Variants in IL17RD observed in about 807,000 individuals in gnomAD.
IL17RD encodes the protein interleukin 17 receptor D.
Under a neutral mutation model 80.5 loss-of-function variants are expected in IL17RD, and 52 were observed. That is an observed-to-expected ratio of 0.65 (90% CI 0.52 to 0.81). IL17RD has a LOEUF of 0.81. IL17RD is among the 40% of genes least tolerant of loss of function. The pLI, the probability that IL17RD is intolerant of heterozygous loss-of-function variation, is 0.00. For missense variants in IL17RD, 1,024 were observed against 955.1 expected (o/e 1.07, Z -0.95); for synonymous variants, 416 against 391.8 (o/e 1.06, Z -0.73).
intron 1 of IL17RD, among the ~76,000 whole-genome samples, chr3:57,163,208 C>T (rs1024846099): frequency 6.6e-6 from 1 of 152,154 alleles, no homozygotes; most frequent in African/African-American, 2.4e-5. Flanking sequence ...GAGGCCTCTA[C>T]GATCGTCCAG....
intron 1 of IL17RD, among the ~76,000 whole-genome samples, chr3:57,138,859 A>C (rs1707777593): frequency 6.6e-6 from 1 of 151,494 alleles, no homozygotes; most frequent in Non-Finnish European, 1.5e-5. Flanking sequence ...GAATAGCTTC[A>C]ACCCGGGAGG....
rs1706737009 is a variant in IL17RD at position 57,098,183 on chromosome 3, A to G, written c.1520T>C (p.Leu507Pro). The change falls in exon 12 of 13, where the codon CTC (leucine) becomes CCC (proline). Residue 507 changes from leucine (L) to proline (P), a missense_variant. Transcript: ENST00000296318. ...KYRLMDNLPQ[L>P]CSHLHSRDHG... Reference sequence around the variant, plus strand: ...GTCTCGGGAGTGCAAGTGGGAACAGAGCTGAGGAAGATTGTCCATGAGTCT... The same window carrying G: ...GTCTCGGGAGTGCAAGTGGGAACAGGGCTGAGGAAGATTGTCCATGAGTCT... The G allele has an allele frequency of 1.2e-6, 2 of 1,613,790 alleles. No individual in the cohort carries two copies. Among genetic ancestry groups the G allele is most frequent in the East Asian group, 2.2e-5 (1 of 44,896 alleles).
intron 2 of IL17RD, among the ~76,000 whole-genome samples, chr3:57,118,633 C>T (rs1459990125): frequency 6.6e-6 from 1 of 152,120 alleles, no homozygotes; most frequent in Non-Finnish European, 1.5e-5. Flanking sequence ...AAAGCACCCC[C>T]CACATGCCCT....
At chr3:57,115,068 T>C (rs978012351) in intron 2 of IL17RD, among the ~76,000 whole-genome samples, 2 of 152,206 alleles carry the variant, frequency 1.3e-5, no homozygotes, top group African/African-American at 4.8e-5. Flanking sequence ...CAGGGCAATG[T>C]TGGGAGGATC....
Position 57,091,510 on chromosome 3 carries a change from ATTGT to A in IL17RD, c.*4879_*4882del, listed in dbSNP as rs1706554711. ...GCACCAATGTGAGTAAGGCACCAACATTGTTTGGGCAACTAAACTAAGTGTGAAG... is the reference window on the plus strand; with the variant it reads ...GCACCAATGTGAGTAAGGCACCAACATTGGGCAACTAAACTAAGTGTGAAG... On this transcript the variant is annotated 3_prime_UTR_variant, in exon 13 of 13. Coordinates refer to ENST00000296318, the MANE Select transcript of IL17RD (RefSeq NM_017563.5). The A allele has an allele frequency of 2.0e-5, 3 of 152,654 alleles. No homozygotes were observed. Among genetic ancestry groups the A allele is most frequent in the South Asian group, 2.1e-4 (1 of 4,836 alleles). The allele number at this position is 152,654 out of a possible 1,614,324, so 9.5% of individuals were successfully genotyped here. A position where few individuals can be genotyped will look rare whatever the true frequency, so the allele number is the denominator to read the frequency against.
intron 1 of IL17RD, among the ~76,000 whole-genome samples, chr3:57,156,804 A>T (rs1160730043): frequency 6.6e-6 from 1 of 151,020 alleles, no homozygotes; most frequent in African/African-American, 2.5e-5. Context: ...CCCCTTCTCC[A>T]GCTTTGCCCA....
upstream of IL17RD, chr3:57,165,395 G>T (rs559759862): frequency 2.1e-6 from 2 of 955,526 alleles, no homozygotes; most frequent in South Asian, 5.1e-5. Flanking sequence ...GAAGGGGACC[G>T]CACTGGGCAT....
chr3:57,100,975 C>A (rs1706813559), intron 11 of IL17RD, among the ~76,000 whole-genome samples: 1 of 152,162 alleles, frequency 6.6e-6, no homozygotes, highest in South Asian at 2.1e-4. Context: ...AGAGTTAGAA[C>A]TAAGTATTAT....
intron 1 of IL17RD, among the ~76,000 whole-genome samples, chr3:57,132,087 G>C (rs1332787764): frequency 6.6e-6 from 1 of 152,138 alleles, no homozygotes; most frequent in African/African-American, 2.4e-5. Context: ...TTGGGAGGCT[G>C]AGGCAGGGGG....
At position 57,127,287 on chromosome 3, in the gene IL17RD, TATATATAAATATATATAAAA is replaced by T. The variant is rs1559476933; in HGVS notation, c.127-6994_127-6975del. ...AAATATATATAAAAATATATATAAA[TATATATAAATATATATAAAA>T]ATATATAAAAATATATATAAATATA... is the stretch of plus-strand genomic sequence containing the variant. On this transcript the variant is annotated intron_variant, in intron 1 of 12. Transcript: ENST00000296318. 7.3e-4 allele frequency among the ~76,000 whole-genome samples: 58 copies of T among 79,090 alleles called. 2 individuals carry two copies. Among genetic ancestry groups the T allele is most frequent in the South Asian group, 1.1e-3 (3 of 2,690 alleles). The allele number at this position is 79,090 out of a possible 152,430, so 51.9% of individuals were successfully genotyped here.
intron 1 of IL17RD, among the ~76,000 whole-genome samples, chr3:57,158,620 G>T (rs955141623): frequency 2.6e-5 from 4 of 151,842 alleles, no homozygotes; most frequent in African/African-American, 9.7e-5. Context: ...TCCAAACAAG[G>T]AACCAAAGAA....
chr3:57,151,470 A>G (rs1053351338), intron 1 of IL17RD, among the ~76,000 whole-genome samples: 15 of 152,210 alleles, frequency 9.9e-5, no homozygotes, highest in Non-Finnish European at 2.1e-4. Context: ...TAATTTAATC[A>G]TATGTCTTGG....
chr3:57,105,550 A>ACATATATATATATATAT (rs1210429108), intron 7 of IL17RD, among the ~76,000 whole-genome samples: 5 of 80,396 alleles, frequency 6.2e-5, no homozygotes, highest in African/African-American at 3.8e-4. Context: ...AAAAAAAAAA[A>ACATATATATATATATAT]AAATATATAT....
chr3:57,108,849 T>G (rs1707026492), intron 5 of IL17RD, among the ~76,000 whole-genome samples: 1 of 151,788 alleles, frequency 6.6e-6, no homozygotes. Flanking sequence ...GGGGTCTTGC[T>G]ATGTTGCCCA....
intron 5 of IL17RD, among the ~76,000 whole-genome samples, chr3:57,107,439 C>T (rs1706990833): frequency 6.6e-6 from 1 of 151,928 alleles, no homozygotes; most frequent in Admixed American, 6.6e-5. Context: ...AGAAAACAAC[C>T]ACAATAAGAA....
chr3:57,158,317 G>A (rs1032346267), intron 1 of IL17RD, among the ~76,000 whole-genome samples: 8 of 152,126 alleles, frequency 5.3e-5, no homozygotes, highest in Non-Finnish European at 1.2e-4. Context: ...GCCATCTACT[G>A]CCCTTTCAAG....
intron 1 of IL17RD, among the ~76,000 whole-genome samples, chr3:57,137,062 G>T (rs140123196): frequency 6.6e-6 from 1 of 152,310 alleles, no homozygotes; most frequent in East Asian, 1.9e-4. Context: ...GGGGAAGGAA[G>T]TTTATTTCAA....
chr3:57,098,638 C>T, intron 11 of IL17RD, 100 bp from the exon 12 acceptor site: 2 of 777,552 alleles, frequency 2.6e-6, no homozygotes, highest in East Asian at 4.9e-5. Context: ...GCCATCTCAT[C>T]TGCCCCTTAA....
upstream of IL17RD, among the ~76,000 whole-genome samples, chr3:57,168,093 A>G (rs537694177): frequency 4.6e-5 from 7 of 152,292 alleles, no homozygotes; most frequent in East Asian, 9.7e-4. Flanking sequence ...CAGCCTCACA[A>G]AGTGCTAGGA....
Sources: gnomAD v4.1 joint callset for allele counts (sites outside exome capture counted in the v4.1 genomes callset) on GRCh38, gnomAD v4.1.1 for gene constraint, MANE v1.5 for transcripts, NCBI Gene and HGNC (gene_info 2026-07-23, HGNC 2026-07-21) for gene names.